EXD3: variants seen among roughly 807,000 people sequenced by gnomAD.
EXD3 encodes the protein exonuclease 3'-5' domain containing 3.
EXD3 carries 92 observed loss-of-function variants against 98.0 expected under a neutral mutation model. The ratio of observed to expected loss-of-function variants is 0.94; its 90% CI spans 0.79 to 1.12. The LOEUF (loss-of-function observed/expected upper bound fraction) is 1.12. EXD3 is among the 50% of genes most tolerant of loss of function. The pLI, the probability that EXD3 is intolerant of heterozygous loss-of-function variation, is 0.00. For synonymous variants in EXD3, 569 were observed against 526.0 expected, an observed-to-expected ratio of 1.08 and a Z score of -1.12; for missense variants, 1,222 against 1,191.6, an observed-to-expected ratio of 1.03 and a Z score of -0.38.
chr9:137,318,045 G>A (rs1414136606), intron 19 of EXD3, among the ~76,000 whole-genome samples: 2 of 152,140 alleles, frequency 1.3e-5, no homozygotes, highest in Non-Finnish European at 2.9e-5. Flanking sequence ...ACTGAGCACA[G>A]AGAATGTAAG....
At position 137,351,341 on chromosome 9, in the gene EXD3, G is replaced by A. The variant is rs760243505; in HGVS notation, c.1361C>T (p.Ser454Leu). The A allele has an allele frequency of 2.7e-5, 44 of 1,611,710 alleles. No homozygotes were observed. Among genetic ancestry groups the A allele is most frequent in the Non-Finnish European group, 3.3e-5 (39 of 1,179,582 alleles). ...AFSRLVAQLLSDPSITKLGYG... is the reference protein window; with the variant it reads ...AFSRLVAQLLLDPSITKLGYG... ...ACCCAGCTTGGTGATAGAGGGGTCCGAGAGGAGCTGGGCCACCAGCCGGGA... is the reference window on the plus strand; with the variant it reads ...ACCCAGCTTGGTGATAGAGGGGTCCAAGAGGAGCTGGGCCACCAGCCGGGA... Residue 454 changes from serine to leucine, a missense_variant, in exon 13 of 22, where the codon TCG becomes TTG. By Grantham distance (145) the Ser-to-Leu change is moderately radical. Coordinates refer to ENST00000340951, the MANE Select transcript of EXD3 (RefSeq NM_017820.5).
chr9:137,378,808 A>G (rs1350347265), intron 3 of EXD3, among the ~76,000 whole-genome samples: 2 of 152,218 alleles, frequency 1.3e-5, no homozygotes, highest in Admixed American at 1.3e-4. Flanking sequence ...CAGAGGCAGA[A>G]AGCGGGTGAG....
At chr9:137,337,374 T>C (rs962933349) in intron 17 of EXD3, among the ~76,000 whole-genome samples, 26 of 152,114 alleles carry the variant, frequency 1.7e-4, no homozygotes, top group African/African-American at 6.0e-4. Flanking sequence ...TGATTTAGGC[T>C]GGGTGCGGTG....
chr9:137,365,747 C>A, intron 7 of EXD3: 2 of 322,938 alleles, frequency 6.2e-6, no homozygotes, highest in Non-Finnish European at 1.2e-5. Context: ...CAGGCACACA[C>A]ATACATGCAC....
intron 3 of EXD3, among the ~76,000 whole-genome samples, chr9:137,377,782 C>G (rs76729562): frequency 3.4e-5 from 5 of 148,412 alleles, no homozygotes; most frequent in Non-Finnish European, 3.0e-5. Context: ...AAAAAATAGT[C>G]GTTGAATTTT....
At chr9:137,381,959 C>T (rs1034134085) in intron 3 of EXD3, among the ~76,000 whole-genome samples, 2 of 151,302 alleles carry the variant, frequency 1.3e-5, no homozygotes, top group Non-Finnish European at 1.5e-5. Flanking sequence ...GAGGTGAGGG[C>T]GCAGGGAGGA....
rs531874381 is a variant in EXD3 at position 137,379,747 on chromosome 9, G to A, written c.120+3566C>T. Among the ~76,000 whole-genome samples, 44 of 152,088 alleles carry A rather than the reference G, an allele frequency of 2.9e-4. No homozygotes were observed. The South Asian group carries it at 8.5e-3, about 29-fold the overall frequency. On this transcript the variant is annotated intron_variant, in intron 3 of 21. Coordinates refer to ENST00000340951, the MANE Select transcript of EXD3 (RefSeq NM_017820.5). ...ACGCTCCGTGGCTCTGATTTGGGGT[G>A]CGCTCTCGCCCAGGCTGGTTTCTGT...
Position 137,423,114 on chromosome 9 carries a change from C to T in EXD3, c.-48G>A, listed in dbSNP as rs1455292901. 6.6e-6 allele frequency: 1 copy of T among 151,570 alleles called. No individual in the cohort carries two copies. The highest frequency in any genetic ancestry group is 1.9e-4 in the East Asian group (1 of 5,156). 9.4% of individuals were successfully genotyped at this position (151,570 alleles called of 1,614,324 possible). A position where few individuals can be genotyped will look rare whatever the true frequency, so the allele number is the denominator to read the frequency against. On this transcript the variant is annotated splice_region_variant and 5_prime_UTR_variant, in exon 1 of 22. Coordinates refer to ENST00000340951, the MANE Select transcript of EXD3 (RefSeq NM_017820.5). The stretch of plus-strand genomic sequence containing the variant: ...GCCCGCGCGGCCCGGGGTCGCTCAC[C>T]TGCGGGGCCGGGACCGCCCCACACC...
chr9:137,411,186 T>C (rs1287723209), intron 1 of EXD3, among the ~76,000 whole-genome samples: 3 of 147,302 alleles, frequency 2.0e-5, no homozygotes, highest in Non-Finnish European at 4.4e-5. Context: ...TGAGATGGAG[T>C]AGATGATGCC....
chr9:137,336,707 T>G (rs1343669742), intron 17 of EXD3, among the ~76,000 whole-genome samples: 1 of 91,890 alleles, frequency 1.1e-5, no homozygotes, highest in South Asian at 3.5e-4. Context: ...AGAAAAGAAA[T>G]AAATCCATGG....
chr9:137,355,181 G>A (rs1368631569), intron 8 of EXD3, among the ~76,000 whole-genome samples: 1 of 152,154 alleles, frequency 6.6e-6, no homozygotes, highest in East Asian at 1.9e-4. Context: ...CAGGGACTGA[G>A]GCACACGCAC....
chr9:137,420,477 G>A (rs776330174), intron 1 of EXD3, among the ~76,000 whole-genome samples: 22 of 152,258 alleles, frequency 1.4e-4, no homozygotes, highest in Middle Eastern at 6.8e-3. Context: ...TGTTGTCCTT[G>A]TAACAGGACA....
intron 16 of EXD3, among the ~76,000 whole-genome samples, chr9:137,348,653 CTAGA>C (rs1453126245): frequency 4.2e-5 from 3 of 71,332 alleles, no homozygotes; most frequent in Non-Finnish European, 7.8e-5. Context: ...GGGGAGGGGG[CTAGA>C]TAGAGAGGGG....
intron 19 of EXD3, among the ~76,000 whole-genome samples, chr9:137,313,407 C>T (rs1438608725): frequency 6.6e-6 from 1 of 152,180 alleles, no homozygotes; most frequent in East Asian, 1.9e-4. Flanking sequence ...TCAGGTCCCA[C>T]CACCAGGCTG....
intron 1 of EXD3, among the ~76,000 whole-genome samples, chr9:137,401,046 T>G (rs1035064260): frequency 6.6e-6 from 1 of 152,092 alleles, no homozygotes; most frequent in African/African-American, 2.4e-5. Context: ...GTGCAGGCTG[T>G]CGGTGGATCT....
intron 1 of EXD3, among the ~76,000 whole-genome samples, chr9:137,414,718 C>G (rs1838156754): frequency 1.3e-5 from 2 of 152,132 alleles, no homozygotes; most frequent in Admixed American, 6.5e-5. Context: ...CAAAAAGTAA[C>G]TTTCCAGGGA....
chr9:137,329,074 A>AG (rs1193637715), intron 17 of EXD3, among the ~76,000 whole-genome samples: 2 of 9,878 alleles, frequency 2.0e-4, no homozygotes, highest in Admixed American at 1.0e-3. Flanking sequence ...GCTACACGGG[A>AG]CTACACGGGG....
chr9:137,362,326 C>T (rs1835030204), intron 7 of EXD3, among the ~76,000 whole-genome samples: 1 of 152,058 alleles, frequency 6.6e-6, no homozygotes, highest in Admixed American at 6.6e-5. Context: ...AAGTGCAGTC[C>T]ATCCCAAAAA....
At chr9:137,334,148 C>T (rs550735893) in intron 17 of EXD3, among the ~76,000 whole-genome samples, 1 of 152,258 alleles carries the variant, frequency 6.6e-6, no homozygotes, top group Non-Finnish European at 1.5e-5. Context: ...ACTACAGGCA[C>T]CCGCCACCAC....
Sources: allele counts gnomAD v4.1 joint callset (sites outside exome capture counted in the v4.1 genomes callset), GRCh38; gene constraint gnomAD v4.1.1; transcripts MANE v1.5; gene names NCBI Gene and HGNC (gene_info 2026-07-23, HGNC 2026-07-21).